Variants in NUP85 observed in about 807,000 individuals in gnomAD.
The protein encoded by NUP85 is nucleoporin 85.
A neutral mutation model predicts 92.8 loss-of-function variants in NUP85; 23 were observed. That is an observed-to-expected ratio of 0.25 (90% CI 0.18 to 0.35). The LOEUF (loss-of-function observed/expected upper bound fraction) is 0.35, where lower values mean the gene tolerates loss of function less well. Among genes scored for constraint, NUP85 ranks in the 10% least tolerant of loss-of-function variants. The pLI is 1.00. For missense variants in NUP85, 759 were observed against 822.8 expected (o/e 0.92, Z 0.95); for synonymous variants, 314 against 306.9 (o/e 1.02, Z -0.24).
In NUP85 at chr17:75,234,771, C is replaced by G. The variant is rs772555152; in HGVS notation, c.1750C>G (p.Leu584Val). ...GACTCTGCTGACAGACGCCTTGCCCCTTTTGGAACAGAAACAGGTGAAGGT... is the reference window on the plus strand; with the variant it reads ...GACTCTGCTGACAGACGCCTTGCCCGTTTTGGAACAGAAACAGGTGAAGGT... ...WMTLLTDALPLLEQKQVIFSA... is the reference protein window; with the variant it reads ...WMTLLTDALPVLEQKQVIFSA... Residue 584 changes from leucine to valine, a missense_variant, in exon 17 of 19, where the codon CTT becomes GTT. Coordinates refer to ENST00000245544, the MANE Select transcript of NUP85 (RefSeq NM_024844.5). The G allele has an allele frequency of 6.2e-7, 1 of 1,614,126 alleles. No individual in the cohort carries two copies. Among genetic ancestry groups the G allele is most frequent in the Non-Finnish European group, 8.5e-7 (1 of 1,180,026 alleles).
chr17:75,232,199 T>A, intron 14 of NUP85: 2 of 566,540 alleles, frequency 3.5e-6, no homozygotes, highest in Non-Finnish European at 6.2e-6. Flanking sequence ...CTACACGCCA[T>A]CTGGAAAGGC....
At chr17:75,227,681 G>C (rs1386800788) in intron 11 of NUP85, among the ~76,000 whole-genome samples, 1 of 147,434 alleles carries the variant, frequency 6.8e-6, no homozygotes, top group Non-Finnish European at 1.5e-5. Context: ...TTTGTCACCC[G>C]GGCTGGAGTG....
rs761849736 is a variant in NUP85 at position 75,208,614 on chromosome 17, A to G, written c.121A>G (p.Lys41Glu). 224 of 1,574,228 alleles carry G rather than the reference A, an allele frequency of 1.4e-4. No individual in the cohort carries two copies. Among genetic ancestry groups the G allele is most frequent in the Non-Finnish European group, 1.9e-4 (217 of 1,146,344 alleles). The change falls in exon 2 of 19, where the codon AAA becomes GAA. Residue 41 changes from lysine (K) to glutamate (E), a missense_variant. Physicochemically the swap from Lys to Glu is moderately conservative, Grantham distance 56. Coordinates refer to ENST00000245544, the MANE Select transcript of NUP85 (RefSeq NM_024844.5). ...EMLVCETSFN[K>E]KEKSEMVPSC... Reference sequence around the variant, plus strand: ...GCTGGTATGTGAAACCTCCTTCAACAAAAAAGGTAGGGTTTTTTTTCTTCC... The same window carrying G: ...GCTGGTATGTGAAACCTCCTTCAACGAAAAAGGTAGGGTTTTTTTTCTTCC...
intron 11 of NUP85, among the ~76,000 whole-genome samples, chr17:75,227,143 A>T (rs765231431): frequency 6.6e-5 from 10 of 152,124 alleles, no homozygotes; most frequent in Non-Finnish European, 8.8e-5. Flanking sequence ...TAATGGCAGA[A>T]GATGGCCTTG....
At chr17:75,223,575 A>G (rs528335590) in intron 7 of NUP85, among the ~76,000 whole-genome samples, 1 of 152,160 alleles carries the variant, frequency 6.6e-6, no homozygotes, top group South Asian at 2.1e-4. Context: ...TTTAGTAGAA[A>G]CAGGGTTTCA....
At chr17:75,213,903 T>G (rs12452998) in intron 5 of NUP85, among the ~76,000 whole-genome samples, 133,624 of 145,490 alleles carry the variant, frequency 0.92, 62,173 homozygotes, top group Non-Finnish European at 1. Context: ...ACGGAGTCTC[T>G]CTCTGTCGCC....
At chr17:75,234,175 C>T (rs2076229719) in intron 16 of NUP85, among the ~76,000 whole-genome samples, 1 of 151,720 alleles carries the variant, frequency 6.6e-6, no homozygotes, top group Non-Finnish European at 1.5e-5. Flanking sequence ...CCTCAGCCTC[C>T]TGAGTAGCTG....
chr17:75,229,446 C>T (rs988080921), intron 11 of NUP85, among the ~76,000 whole-genome samples: 1 of 152,144 alleles, frequency 6.6e-6, no homozygotes, highest in Non-Finnish European at 1.5e-5. Flanking sequence ...AACTCCGCAG[C>T]GTTCTCTCGT....
rs35857535 is a variant in NUP85 at position 75,234,701 on chromosome 17, T to C, written c.1680T>C (p.Leu560=). The C allele has an allele frequency of 0.018, 29,577 of 1,614,108 alleles. 1,865 individuals carry two copies. The highest frequency in any genetic ancestry group is 0.18 in the African/African-American group (13,250 of 74,986). The change falls in exon 17 of 19, where the codon CTT becomes CTC. Residue 560 remains leucine (L), a synonymous_variant. Transcript: ENST00000245544. The stretch of plus-strand genomic sequence containing the variant: ...GTTTTGCCGACGCAGCTTCTCTCCT[T>C]CTGTCCTTGATGACGTCTCGGATTG... ...EKRFADAASL[L]LSLMTSRIAP... is the part of the protein sequence containing the mutation.
Position 75,231,244 on chromosome 17 carries a change from G to C in NUP85, c.1095-96G>C. ...ATCACGCCCGGCCCCATCTCTTTGA[G>C]GGACAGGACATGTGGGGTTTCTTGC... On this transcript the variant is annotated intron_variant, in intron 11 of 18. Coordinates refer to ENST00000245544, the MANE Select transcript of NUP85 (RefSeq NM_024844.5). This position sits in a 1 kb window ranked among gnomAD's most constrained non-coding sequence, Gnocchi z 4.6. The C allele has an allele frequency of 8.5e-7, 1 of 1,172,756 alleles. No individual in the cohort carries two copies. The highest frequency in any genetic ancestry group is 2.3e-5 in the East Asian group (1 of 42,748). The allele number at this position is 1,172,756 out of a possible 1,614,324, so 72.6% of individuals were successfully genotyped here.
At position 75,225,775 on chromosome 17, in the gene NUP85, G is replaced by A. The variant is rs1237277813; in HGVS notation, c.933G>A (p.Arg311=). The A allele has an allele frequency of 1.9e-6, 3 of 1,613,968 alleles. No homozygotes were observed. In the African/African-American group the frequency reaches 4.0e-5, roughly 22 times the overall value. Reference sequence around the variant, plus strand: ...ATTGGTATCATTTCCTAGTGACTCGGCTCTTGTACTCCAATCCCACAGTAA... The same window carrying A: ...ATTGGTATCATTTCCTAGTGACTCGACTCTTGTACTCCAATCCCACAGTAA... ...LSNWYHFLVT[R]LLYSNPTVKP... is the part of the protein sequence containing the mutation. Residue 311 remains arginine, a synonymous_variant, in exon 10 of 19, where the codon CGG becomes CGA. Coordinates refer to ENST00000245544, the MANE Select transcript of NUP85 (RefSeq NM_024844.5).
chr17:75,206,699 T>C (rs1427297255), intron 1 of NUP85, among the ~76,000 whole-genome samples: 1 of 152,062 alleles, frequency 6.6e-6, no homozygotes, highest in Non-Finnish European at 1.5e-5. Flanking sequence ...ATTATGGTTA[T>C]TATTACTGTT....
Position 75,233,122 on chromosome 17 carries a change from C to T in NUP85, c.1579C>T (p.Pro527Ser), listed in dbSNP as rs753514548. 1.9e-6 allele frequency: 3 copies of T among 1,614,028 alleles called. No homozygotes were observed. The African/African-American group carries it at 4.0e-5, about 22-fold the overall frequency. The change falls in exon 16 of 19, where the codon CCA becomes TCA. Residue 527 changes from proline to serine, a missense_variant. Transcript: ENST00000245544. ...SDLDLIDNLGPAMMLSDRLTF... is the reference protein window; with the variant it reads ...SDLDLIDNLGSAMMLSDRLTF... The stretch of plus-strand genomic sequence containing the variant: ...TTTGGATCTCATTGACAACCTGGGG[C>T]CAGCCATGATGCTCAGTGACCGACT...
chr17:75,231,295 C>T lies in NUP85; in HGVS notation c.1095-45C>T. The T allele has an allele frequency of 3.1e-6, 5 of 1,596,200 alleles. No homozygotes were observed. Among genetic ancestry groups the T allele is most frequent in the Non-Finnish European group, 4.3e-6 (5 of 1,163,860 alleles). On this transcript the variant is annotated intron_variant, in intron 11 of 18. Coordinates refer to ENST00000245544, the MANE Select transcript of NUP85 (RefSeq NM_024844.5). The surrounding 1 kb of genome is among the most constrained non-coding windows in gnomAD (Gnocchi z 4.6). ...TCACCCCCACTCTTGTGGGACGCGGCCTGTGCCCTGATTTTCCTTCTTGCC... is the reference window on the plus strand; with the variant it reads ...TCACCCCCACTCTTGTGGGACGCGGTCTGTGCCCTGATTTTCCTTCTTGCC...
chr17:75,233,677 C>CA (rs1329184022), intron 16 of NUP85, among the ~76,000 whole-genome samples: 1 of 152,062 alleles, frequency 6.6e-6, no homozygotes, highest in African/African-American at 2.4e-5. Context: ...CGGCTCACTG[C>CA]AACCCCCGCC....
At chr17:75,229,707 T>G (rs1447621409) in intron 11 of NUP85, among the ~76,000 whole-genome samples, 6 of 152,186 alleles carry the variant, frequency 3.9e-5, no homozygotes, top group African/African-American at 1.4e-4. Flanking sequence ...TTGAGTTGTG[T>G]TGTTAGTTCT....
intron 5 of NUP85, among the ~76,000 whole-genome samples, chr17:75,213,746 GTC>G (rs1354278977): frequency 6.6e-6 from 1 of 151,844 alleles, no homozygotes; most frequent in East Asian, 1.9e-4. Context: ...GAAAGACAGG[GTC>G]TCTCTGTGTT....
rs768220407 is a variant in NUP85 at position 75,213,081 on chromosome 17, G to T, written c.367G>T (p.Ala123Ser). 6.2e-7 allele frequency: 1 copy of T among 1,613,138 alleles called. No individual in the cohort carries two copies. Residue 123 changes from alanine to serine, a missense_variant, in exon 5 of 19, where the codon GCT (alanine) becomes TCT (serine). By Grantham distance (99) the Ala-to-Ser change is moderately conservative (BLOSUM62 1). Transcript: ENST00000245544. ...AATGTTTTGTGTTTTGTTAGTTGCT[G>T]CTAAAGATCCAGCCAATGGCCGCCA... ...MEEMHQVAIA[A>S]KDPANGRQFS...
chr17:75,233,430 A>G lies in NUP85; in HGVS notation c.1615+272A>G, dbSNP rs8076568. ...CTTTCTTTCTTTCTTCTTTTCTTTT[A>G]TTTTTTCTTTTTTTTTTTTTTTGAG... is the stretch of plus-strand genomic sequence containing the variant. On this transcript the variant is annotated intron_variant, in intron 16 of 18. Transcript: ENST00000245544. Among the ~76,000 whole-genome samples, 3 of 128,664 alleles carry G rather than the reference A, an allele frequency of 2.3e-5. No individual in the cohort carries two copies. The East Asian group carries it at 6.6e-4, about 28-fold the overall frequency. 84.4% of individuals were successfully genotyped at this position (128,664 alleles called of 152,430 possible).
Sources: gnomAD v4.1 joint callset for allele counts (sites outside exome capture counted in the v4.1 genomes callset) on GRCh38, gnomAD v4.1.1 for gene constraint, Gnocchi (gnomAD v3.1) non-coding constraint, MANE v1.5 for transcripts, NCBI Gene and HGNC (gene_info 2026-07-23, HGNC 2026-07-21) for gene names.